Variants in PTDSS1 observed in about 807,000 individuals in gnomAD.
The protein encoded by PTDSS1 is phosphatidylserine synthase 1.
In PTDSS1, 45 loss-of-function variants were observed where a neutral mutation model predicts 70.5. The observed-to-expected ratio is 0.64, with a 90% CI of 0.50 to 0.82. The LOEUF is 0.82. Among genes scored for constraint, PTDSS1 ranks in the 40% least tolerant of loss-of-function variants. PTDSS1 has a pLI of 0.00. For synonymous variants in PTDSS1, 188 were observed against 203.8 expected (o/e 0.92, Z 0.66); for missense variants, 417 against 586.1 (o/e 0.71, Z 2.98).
intron 5 of PTDSS1, among the ~76,000 whole-genome samples, chr8:96,295,753 G>T (rs980104920): frequency 3.3e-5 from 5 of 152,160 alleles, no homozygotes; most frequent in Admixed American, 1.3e-4. Context: ...TTATAGTCTT[G>T]AAAAACCATT....
rs374452898 is a variant in PTDSS1, at chr8:96,330,233, T to C, written c.1194T>C (p.Cys398=). The C allele has an allele frequency of 9.3e-6, 15 of 1,613,150 alleles. No homozygotes were observed. The highest frequency in any genetic ancestry group is 1.2e-5 in the Non-Finnish European group (14 of 1,179,378). Residue 398 remains cysteine, a synonymous_variant, in exon 11 of 13, where the codon TGT becomes TGC. Transcript: ENST00000517309. ...TCCAGGCTTTCACCACTTTCCTCTG[T>C]CTGTACGGCATGATTTGGTATGCAG... The part of the protein sequence containing the change: ...LLCVAFTTFL[C]LYGMIWYAEH...
intron 8 of PTDSS1, 97 bp downstream of exon 8, chr8:96,306,653 C>A: frequency 1.1e-6 from 1 of 922,708 alleles, no homozygotes; most frequent in South Asian, 1.5e-5. Context: ...AGCAGATTTT[C>A]CATGAAAATA....
chr8:96,311,011 CA>C, intron 9 of PTDSS1, among the ~76,000 whole-genome samples: 1 of 152,184 alleles, frequency 6.6e-6, no homozygotes, highest in Non-Finnish European at 1.5e-5. Flanking sequence ...GTGATCCACC[CA>C]CCTTCTGCCT....
At chr8:96,291,419 C>T (rs1266626762) in intron 4 of PTDSS1, among the ~76,000 whole-genome samples, 1 of 151,022 alleles carries the variant, frequency 6.6e-6, no homozygotes, top group Non-Finnish European at 1.5e-5. Context: ...TGAAACAGTT[C>T]TCAGGAATTA....
chr8:96,287,650 C>T (rs1439643349), intron 4 of PTDSS1, among the ~76,000 whole-genome samples: 1 of 152,142 alleles, frequency 6.6e-6, no homozygotes, highest in Non-Finnish European at 1.5e-5. Flanking sequence ...CACCTGCACT[C>T]TCTGGCCTTG....
intron 1 of PTDSS1, among the ~76,000 whole-genome samples, chr8:96,271,401 A>G (rs1436446090): frequency 1.3e-5 from 2 of 152,316 alleles, no homozygotes; most frequent in East Asian, 3.9e-4. Context: ...ATGGCTGCCC[A>G]GCTTCCCATC....
intron 12 of PTDSS1, 137 bp downstream of exon 12, chr8:96,331,232 A>G: frequency 1.2e-6 from 1 of 814,846 alleles, no homozygotes; most frequent in Non-Finnish European, 2.0e-6. Context: ...GTCACTTATT[A>G]AGAAACATGC....
intron 3 of PTDSS1, 120 bp from the exon 4 acceptor site, chr8:96,286,902 G>C: frequency 7.8e-7 from 1 of 1,275,134 alleles, no homozygotes; most frequent in Non-Finnish European, 1.1e-6. Context: ...GAGGAGTCTT[G>C]ACAGGCTGTG....
At chr8:96,272,793 C>G (rs1454567288) in intron 1 of PTDSS1, among the ~76,000 whole-genome samples, 2 of 152,206 alleles carry the variant, frequency 1.3e-5, no homozygotes, top group African/African-American at 4.8e-5. Flanking sequence ...TTGTCATCAT[C>G]ATTCCCGATG....
rs758567950 is a variant in PTDSS1, at chr8:96,299,806, G to A, written c.713G>A (p.Arg238Gln). ...ATTTGGCTGGGCATGGTCGTTTGCC[G>A]GTTTTTAGAGATGAGGACTTACCAC... ...GGIWLGMVVC[R>Q]FLEMRTYHWA... The change falls in exon 6 of 13, where the codon CGG (arginine) becomes CAG (glutamine). Residue 238 changes from arginine to glutamine, a missense_variant. Coordinates refer to ENST00000517309, the MANE Select transcript of PTDSS1 (RefSeq NM_014754.3). The A allele has an allele frequency of 8.1e-6, 13 of 1,613,898 alleles. No individual in the cohort carries two copies. Among genetic ancestry groups the A allele is most frequent in the African/African-American group, 1.3e-5 (1 of 74,888 alleles).
chr8:96,308,601 A>G (rs1299176964), intron 8 of PTDSS1, among the ~76,000 whole-genome samples: 7 of 152,200 alleles, frequency 4.6e-5, no homozygotes, highest in East Asian at 1.9e-4. Context: ...ACGTGTGGCT[A>G]TTGAGCACTA....
chr8:96,287,199 G>A lies in PTDSS1; in HGVS notation c.441+53G>A, dbSNP rs1252146743. On this transcript the variant is annotated intron_variant, in intron 4 of 12. Coordinates refer to ENST00000517309, the MANE Select transcript of PTDSS1 (RefSeq NM_014754.3). ...GAAACTCGTAGACTCTTTCTTGGGT[G>A]TAAGAGGTAATAGACTTGACATTTT... is the stretch of plus-strand genomic sequence containing the variant. 5.0e-6 allele frequency: 8 copies of A among 1,590,268 alleles called. No individual in the cohort carries two copies. The East Asian group carries it at 1.6e-4, about 31-fold the overall frequency.
rs1435307836 is a variant in PTDSS1, at chr8:96,320,103, T to G, written c.1074-143T>G. ...AATGCAGTTGGCTTGAACAGTGTTA[T>G]TTTGTGGGGTACCTGCTACCAGTGT... On this transcript the variant is annotated intron_variant, in intron 9 of 12. Transcript: ENST00000517309. The G allele has an allele frequency of 1.3e-5, 9 of 684,000 alleles. No homozygotes were observed. The Admixed American group carries it at 2.3e-4, about 18-fold the overall frequency. The allele number at this position is 684,000 out of a possible 1,614,324, so 42.4% of individuals were successfully genotyped here.
At chr8:96,317,047 G>A (rs113628115) in intron 9 of PTDSS1, among the ~76,000 whole-genome samples, 8 of 124,904 alleles carry the variant, frequency 6.4e-5, no homozygotes, top group African/African-American at 2.7e-4. Flanking sequence ...ATATATGTGT[G>A]TATATATATA....
At chr8:96,264,619 C>A (rs562272029) in intron 1 of PTDSS1, among the ~76,000 whole-genome samples, 1 of 152,192 alleles carries the variant, frequency 6.6e-6, no homozygotes, top group African/African-American at 2.4e-5. Flanking sequence ...TAATGAGAAG[C>A]AAGAATGAGC....
chr8:96,279,300 G>A (rs567907766), intron 2 of PTDSS1, among the ~76,000 whole-genome samples: 102 of 151,756 alleles, frequency 6.7e-4, no homozygotes, highest in Admixed American at 1.8e-3. Context: ...ACTTTTTTAC[G>A]GTCTTTGAGG....
rs189528943 is a variant in PTDSS1, at chr8:96,321,061, A to G, written c.1173+716A>G. ...GCTTAAGATTTTTCACTTAGTCTAG[A>G]AAATGTATTGGGCTTTTTAAATAAT... On this transcript the variant is annotated intron_variant, in intron 10 of 12. Coordinates refer to ENST00000517309, the MANE Select transcript of PTDSS1 (RefSeq NM_014754.3). 9.5e-4 allele frequency among the ~76,000 whole-genome samples: 144 copies of G among 152,358 alleles called. 3 individuals are homozygous for G. Among genetic ancestry groups the G allele is most frequent in the Non-Finnish European group, 5.7e-4 (39 of 68,034 alleles).
intron 1 of PTDSS1, among the ~76,000 whole-genome samples, chr8:96,267,272 A>G (rs190322773): frequency 3.9e-5 from 6 of 152,298 alleles, no homozygotes; most frequent in Admixed American, 2.0e-4. Flanking sequence ...AATTAATTCA[A>G]TTCAACAGTT....
intron 9 of PTDSS1, among the ~76,000 whole-genome samples, chr8:96,319,736 C>T (rs571800982): frequency 6.6e-6 from 1 of 152,184 alleles, no homozygotes; most frequent in Admixed American, 6.5e-5. Context: ...AGTGAAAAAG[C>T]CTTCTAGGTT....
Sources: gnomAD v4.1 joint callset for allele counts (sites outside exome capture counted in the v4.1 genomes callset) on GRCh38, gnomAD v4.1.1 for gene constraint, MANE v1.5 for transcripts, NCBI Gene and HGNC (gene_info 2026-07-23, HGNC 2026-07-21) for gene names.